MTHFD1L: variants seen among roughly 807,000 people sequenced by gnomAD.
The protein encoded by MTHFD1L is methylenetetrahydrofolate dehydrogenase (NADP+ dependent) 1 like, also known as monofunctional C1-tetrahydrofolate synthase, mitochondrial.
Under a neutral mutation model 119.5 loss-of-function variants are expected in MTHFD1L, and 81 were observed. The ratio of observed to expected loss-of-function variants is 0.68; its 90% CI spans 0.57 to 0.82. The LOEUF (loss-of-function observed/expected upper bound fraction) is 0.82. Ranked by LOEUF, MTHFD1L falls within the 40% of genes least tolerant of loss-of-function variation. MTHFD1L has a pLI of 0.00. For synonymous variants in MTHFD1L, 430 were observed against 475.2 expected (o/e 0.90, Z 1.24); for missense variants, 1,125 against 1,253.4 (o/e 0.90, Z 1.55).
intron 8 of MTHFD1L, among the ~76,000 whole-genome samples, chr6:150,915,314 A>G (rs565048084): frequency 2.6e-5 from 4 of 152,162 alleles, no homozygotes; most frequent in South Asian, 4.1e-4. Context: ...ATGTGTGGCT[A>G]TGGCCCAAGA....
chr6:150,974,234 G>A (rs1003887509), intron 20 of MTHFD1L, among the ~76,000 whole-genome samples: 1 of 152,146 alleles, frequency 6.6e-6, no homozygotes, highest in Non-Finnish European at 1.5e-5. Context: ...GACTTGGTAG[G>A]TTTGAAATGA....
intron 8 of MTHFD1L, among the ~76,000 whole-genome samples, chr6:150,910,519 C>T (rs1368862960): frequency 2.7e-5 from 4 of 149,828 alleles, no homozygotes; most frequent in Admixed American, 1.3e-4. Flanking sequence ...GCTGAGATCG[C>T]GCTCCAGCCT....
intron 11 of MTHFD1L, among the ~76,000 whole-genome samples, chr6:150,931,246 T>A (rs1790976727): frequency 6.7e-6 from 1 of 149,032 alleles, no homozygotes; most frequent in African/African-American, 2.5e-5. Context: ...AAGAAAAATT[T>A]GAATCATTCA....
intron 20 of MTHFD1L, among the ~76,000 whole-genome samples, chr6:150,988,395 A>G (rs1345050144): frequency 6.6e-6 from 1 of 152,046 alleles, no homozygotes; most frequent in Non-Finnish European, 1.5e-5. Context: ...TATTGCAATT[A>G]TATGAGGTCG....
intron 26 of MTHFD1L, among the ~76,000 whole-genome samples, chr6:151,055,393 A>C (rs921783941): frequency 2.0e-5 from 3 of 152,200 alleles, no homozygotes; most frequent in African/African-American, 7.2e-5. Context: ...TAAAATCTCC[A>C]TCTCGGTTTT....
chr6:150,908,096 T>C (rs1786246159), intron 8 of MTHFD1L, among the ~76,000 whole-genome samples: 1 of 149,000 alleles, frequency 6.7e-6, no homozygotes, highest in Non-Finnish European at 1.5e-5. Flanking sequence ...TTAGTAGAAG[T>C]GTGGATGCAC....
chr6:151,050,315 A>G lies in MTHFD1L; in HGVS notation c.2847+13198A>G, dbSNP rs1465484171. ...GTAGCTGGGATTACAGGCATCCACC[A>G]TCATGCCTGGCTAGTTTTTGTATTT... On this transcript the variant is annotated intron_variant, in intron 26 of 27. Coordinates refer to ENST00000367321, the MANE Select transcript of MTHFD1L (RefSeq NM_015440.5). Among the ~76,000 whole-genome samples the G allele has an allele frequency of 2.0e-5, 3 of 152,270 alleles. No homozygotes were observed. In the South Asian group the frequency reaches 6.2e-4, roughly 32 times the overall value.
intron 4 of MTHFD1L, among the ~76,000 whole-genome samples, chr6:150,878,356 A>G (rs778308136): frequency 6.6e-6 from 1 of 151,970 alleles, no homozygotes. Context: ...GGTTCAAGCA[A>G]TTCTCCTGCC....
chr6:150,911,955 T>TG (rs892140764), intron 8 of MTHFD1L, among the ~76,000 whole-genome samples: 88 of 152,126 alleles, frequency 5.8e-4, no homozygotes, highest in Middle Eastern at 3.4e-3. Flanking sequence ...GTGGGAATTA[T>TG]GGGAGTACAA....
At chr6:150,867,326 G>A (rs1490737530) in intron 1 of MTHFD1L, among the ~76,000 whole-genome samples, 1 of 152,132 alleles carries the variant, frequency 6.6e-6, no homozygotes, top group Non-Finnish European at 1.5e-5. Flanking sequence ...AGTGTAACTG[G>A]GACCACAGGT....
intron 20 of MTHFD1L, among the ~76,000 whole-genome samples, chr6:151,006,954 G>A (rs576439248): frequency 1.4e-4 from 21 of 152,140 alleles, no homozygotes; most frequent in African/African-American, 4.3e-4. Flanking sequence ...AAAAAAATGC[G>A]TAACATTTGG....
At chr6:151,075,673 G>A (rs969200652) in intron 26 of MTHFD1L, among the ~76,000 whole-genome samples, 5 of 152,026 alleles carry the variant, frequency 3.3e-5, no homozygotes, top group East Asian at 3.9e-4. Context: ...CTTTTCAAAC[G>A]TACACAGAAC....
intron 10 of MTHFD1L, among the ~76,000 whole-genome samples, chr6:150,924,222 T>A (rs780759151): frequency 5.3e-5 from 8 of 152,116 alleles, no homozygotes; most frequent in Non-Finnish European, 1.2e-4. Flanking sequence ...TACAGGTGTT[T>A]GTTTTGTTTT....
At chr6:151,090,314 G>A (rs1050001377) in intron 26 of MTHFD1L, among the ~76,000 whole-genome samples, 17 of 152,200 alleles carry the variant, frequency 1.1e-4, no homozygotes, top group Admixed American at 1.0e-3. Context: ...TCCCTGTGCT[G>A]AAGGGGCTGG....
chr6:151,089,069 C>T (rs1242589867), intron 26 of MTHFD1L, among the ~76,000 whole-genome samples: 4 of 152,108 alleles, frequency 2.6e-5, no homozygotes, highest in African/African-American at 9.7e-5. Context: ...ATTTACACTG[C>T]CTCATCTGTA....
chr6:151,087,141 T>C (rs1224756932), intron 26 of MTHFD1L, among the ~76,000 whole-genome samples: 1 of 151,934 alleles, frequency 6.6e-6, no homozygotes, highest in Non-Finnish European at 1.5e-5. Flanking sequence ...CCCAGCTATT[T>C]GGGAGGCTGA....
chr6:150,923,540 T>TATTTATTTATTTATTTA (rs57115594), intron 10 of MTHFD1L, among the ~76,000 whole-genome samples: 10 of 99,168 alleles, frequency 1.0e-4, no homozygotes, highest in African/African-American at 4.3e-4. Context: ...TTTATTTATT[T>TATTTATTTATTTATTTA]TTTCTTTTTT....
At chr6:150,966,211 C>T (rs1268912586) in intron 19 of MTHFD1L, among the ~76,000 whole-genome samples, 2 of 152,114 alleles carry the variant, frequency 1.3e-5, no homozygotes, top group African/African-American at 4.8e-5. Flanking sequence ...TTAATTGGCT[C>T]ACAGTTCTGC....
intron 7 of MTHFD1L, among the ~76,000 whole-genome samples, chr6:150,892,141 C>G (rs577463835): frequency 6.6e-6 from 1 of 152,254 alleles, no homozygotes; most frequent in South Asian, 2.1e-4. Flanking sequence ...ACTTGAGAGC[C>G]CAGAAATTTT....
Sources: allele counts gnomAD v4.1 joint callset (sites outside exome capture counted in the v4.1 genomes callset), GRCh38; gene constraint gnomAD v4.1.1; transcripts MANE v1.5; gene names NCBI Gene and HGNC (gene_info 2026-07-23, HGNC 2026-07-21).